The following SMOX variants were observed in gnomAD, a reference collection of about 807,000 sequenced individuals.
SMOX encodes flavin containing amine oxidase.
A neutral mutation model predicts 51.0 loss-of-function variants in SMOX; 22 were observed. The ratio of observed to expected loss-of-function variants is 0.43; its 90% CI spans 0.31 to 0.62. The LOEUF is 0.62. Among genes scored for constraint, SMOX ranks in the 20% least tolerant of loss-of-function variants. The pLI is 0.10. For synonymous variants in SMOX, 282 were observed against 307.8 expected, an observed-to-expected ratio of 0.92 and a Z score of 0.88; for missense variants, 566 against 777.7, an observed-to-expected ratio of 0.73 and a Z score of 3.24.
chr20:4,179,989 G>A (rs1482906966), intron 3 of SMOX, among the ~76,000 whole-genome samples: 2 of 152,174 alleles, frequency 1.3e-5, no homozygotes, highest in Admixed American at 6.5e-5. Flanking sequence ...GAGTCATGTC[G>A]ATGGACTAAA....
intron 1 of SMOX, among the ~76,000 whole-genome samples, chr20:4,157,525 C>T (rs1459899678): frequency 6.6e-6 from 1 of 152,088 alleles, no homozygotes; most frequent in East Asian, 1.9e-4. Flanking sequence ...GTCTGAGAGT[C>T]AGAGGATCCT....
At chr20:4,180,808 A>G (rs959594471) in intron 3 of SMOX, among the ~76,000 whole-genome samples, 1 of 152,082 alleles carries the variant, frequency 6.6e-6, no homozygotes, top group South Asian at 2.1e-4. Context: ...TCAGCTGCCC[A>G]GGGTTGTCTG....
chr20:4,186,842 A>G (rs368832937), intron 6 of SMOX: 2 of 780,128 alleles, frequency 2.6e-6, no homozygotes. Context: ...GGTTTGTCAA[A>G]TTACCACCGA....
At chr20:4,178,412 T>C (rs1979052653) in intron 3 of SMOX, among the ~76,000 whole-genome samples, 1 of 152,354 alleles carries the variant, frequency 6.6e-6, no homozygotes, top group East Asian at 1.9e-4. Context: ...ACAGTTTTAT[T>C]TTTTTCTTGC....
At chr20:4,184,499 TA>T (rs11471728) in intron 6 of SMOX, among the ~76,000 whole-genome samples, 35 of 149,436 alleles carry the variant, frequency 2.3e-4, no homozygotes, top group East Asian at 3.9e-4. Context: ...AACTGTACAC[TA>T]AAAAAAAAAA....
At chr20:4,162,809 A>G (rs1986395564) in intron 1 of SMOX, among the ~76,000 whole-genome samples, 1 of 152,242 alleles carries the variant, frequency 6.6e-6, no homozygotes, top group Non-Finnish European at 1.5e-5. Context: ...ACTCAGAGCT[A>G]GACCCCATTC....
At position 4,183,334 on chromosome 20, in the gene SMOX, C is replaced by T. The variant is rs1979492593; in HGVS notation, c.1370-160C>T. ...CTGAGTGGGTACACAGCTCGAGCCC[C>T]AGCCTCCCTCCTTCCTCTTCTATCC... On this transcript the variant is annotated intron_variant, in intron 5 of 6. Coordinates refer to ENST00000305958, the MANE Select transcript of SMOX (RefSeq NM_175839.3). This position sits in a 1 kb window ranked among gnomAD's most constrained non-coding sequence, Gnocchi z 4.3. The T allele has an allele frequency of 4.7e-6, 5 of 1,063,908 alleles. No individual in the cohort carries two copies. Among genetic ancestry groups the T allele is most frequent in the South Asian group, 4.1e-5 (3 of 73,774 alleles). 65.9% of individuals were successfully genotyped at this position (1,063,908 alleles called of 1,614,324 possible). A position where few individuals can be genotyped will look rare whatever the true frequency, so the allele number is the denominator to read the frequency against.
chr20:4,183,444 G>T lies in SMOX; in HGVS notation c.1370-50G>T. 1 of 1,613,528 alleles carries T rather than the reference G, an allele frequency of 6.2e-7. No homozygotes were observed. Among genetic ancestry groups the T allele is most frequent in the South Asian group, 1.1e-5 (1 of 91,056 alleles). ...GTCCCTTTGGGGTCATCTTCCATAT[G>T]CAGCCATTTCTTATCCTCCCTCCTC... On this transcript the variant is annotated intron_variant, in intron 5 of 6. Transcript: ENST00000305958. This position sits in a 1 kb window ranked among gnomAD's most constrained non-coding sequence, Gnocchi z 4.3.
intron 1 of SMOX, among the ~76,000 whole-genome samples, chr20:4,163,967 T>C (rs541928690): frequency 1.3e-5 from 2 of 152,302 alleles, no homozygotes; most frequent in African/African-American, 4.8e-5. Context: ...AAGGCACGAA[T>C]CCCAGGAGGT....
At position 4,166,320 on chromosome 20, in the gene SMOX, G is replaced by A. The variant is rs1486978725; in HGVS notation, c.-26-8710G>A. Among the ~76,000 whole-genome samples, 2 of 152,154 alleles carry A rather than the reference G, an allele frequency of 1.3e-5. No homozygotes were observed. Among genetic ancestry groups the A allele is most frequent in the Non-Finnish European group, 2.9e-5 (2 of 68,032 alleles). ...TCTGATACTGTCATCAAGGCCCTCA[G>A]TGAGCTTTCGGAAAGACCCTGCCCT... On this transcript the variant is annotated intron_variant, in intron 1 of 6. Coordinates refer to ENST00000305958, the MANE Select transcript of SMOX (RefSeq NM_175839.3). The surrounding 1 kb of genome is among the most constrained non-coding windows in gnomAD (Gnocchi z 4.2).
At chr20:4,162,986 C>T (rs1019528795) in intron 1 of SMOX, among the ~76,000 whole-genome samples, 1 of 152,182 alleles carries the variant, frequency 6.6e-6, no homozygotes, top group Non-Finnish European at 1.5e-5. Context: ...CTTTGTATGC[C>T]TGGAGAGCAG....
At chr20:4,158,965 C>T (rs1308520900) in intron 1 of SMOX, among the ~76,000 whole-genome samples, 1 of 151,832 alleles carries the variant, frequency 6.6e-6, no homozygotes, top group Admixed American at 6.6e-5. Flanking sequence ...TAAATGATGC[C>T]TTTAAATGTT....
In SMOX at chr20:4,177,321, C is replaced by T. The variant is rs909548321; in HGVS notation, c.209-30C>T. Reference sequence around the variant, plus strand: ...GGCCCTCTCTGGAGAAGTCCCTAAGCCTCTAAGGGCCTGCTGTTGTCACCC... The same window carrying T: ...GGCCCTCTCTGGAGAAGTCCCTAAGTCTCTAAGGGCCTGCTGTTGTCACCC... On this transcript the variant is annotated intron_variant, in intron 2 of 6. Coordinates refer to ENST00000305958, the MANE Select transcript of SMOX (RefSeq NM_175839.3). This position sits in a 1 kb window ranked among gnomAD's most constrained non-coding sequence, Gnocchi z 4.3. 21 of 1,539,948 alleles carry T rather than the reference C, an allele frequency of 1.4e-5. No homozygotes were observed. Among genetic ancestry groups the T allele is most frequent in the Non-Finnish European group, 1.8e-5 (21 of 1,136,670 alleles).
At position 4,172,941 on chromosome 20, in the gene SMOX, A is replaced by G. The variant is rs1978533951; in HGVS notation, c.-26-2089A>G. 6.6e-5 allele frequency among the ~76,000 whole-genome samples: 10 copies of G among 152,308 alleles called. No individual in the cohort carries two copies. The South Asian group carries it at 2.1e-3, about 32-fold the overall frequency. ...CGGAAAAAGCCTCCTTTGTTCACCCATGTCACTTAAGGGATGTTAAGGACG... is the reference window on the plus strand; with the variant it reads ...CGGAAAAAGCCTCCTTTGTTCACCCGTGTCACTTAAGGGATGTTAAGGACG... On this transcript the variant is annotated intron_variant, in intron 1 of 6. Coordinates refer to ENST00000305958, the MANE Select transcript of SMOX (RefSeq NM_175839.3). This position sits in a 1 kb window ranked among gnomAD's most constrained non-coding sequence, Gnocchi z 7.7.
At position 4,183,367 on chromosome 20, in the gene SMOX, C is replaced by A; in HGVS notation, c.1370-127C>A. The stretch of plus-strand genomic sequence containing the variant: ...CTCCTTCCTCTTCTATCCTCCGTGC[C>A]TACCCCTGGCAGTCTGGTCCTCCCG... On this transcript the variant is annotated intron_variant, in intron 5 of 6. Transcript: ENST00000305958. The surrounding 1 kb of genome is among the most constrained non-coding windows in gnomAD (Gnocchi z 4.3). 1 of 1,395,542 alleles carries A rather than the reference C, an allele frequency of 7.2e-7. No individual in the cohort carries two copies. Among genetic ancestry groups the A allele is most frequent in the Non-Finnish European group, 1.0e-6 (1 of 990,790 alleles). The allele number at this position is 1,395,542 out of a possible 1,614,324, so 86.4% of individuals were successfully genotyped here.
chr20:4,164,829 T>A (rs1350030386), intron 1 of SMOX, among the ~76,000 whole-genome samples: 1 of 152,070 alleles, frequency 6.6e-6, no homozygotes, highest in African/African-American at 2.4e-5. Flanking sequence ...AGTGGCCTGG[T>A]CTGCTGTTAC....
chr20:4,165,795 C>T (rs1600806862), intron 1 of SMOX, among the ~76,000 whole-genome samples: 1 of 152,308 alleles, frequency 6.6e-6, no homozygotes, highest in African/African-American at 2.4e-5. Flanking sequence ...GAGGCTGCTG[C>T]TGGGCAGTTC....
intron 1 of SMOX, among the ~76,000 whole-genome samples, chr20:4,152,572 G>A (rs1429790492): frequency 6.6e-6 from 1 of 152,078 alleles, no homozygotes; most frequent in Non-Finnish European, 1.5e-5. Flanking sequence ...AGGGGCAGTG[G>A]TCCAGATCTG....
In SMOX at chr20:4,181,820, G is replaced by A; in HGVS notation, c.453G>A (p.Gln151=). 6.2e-7 allele frequency: 1 copy of A among 1,614,082 alleles called. No homozygotes were observed. Among genetic ancestry groups the A allele is most frequent in the Non-Finnish European group, 8.5e-7 (1 of 1,179,998 alleles). Residue 151 remains glutamine, a synonymous_variant, in exon 4 of 7, where the codon CAG becomes CAA. Coordinates refer to ENST00000305958, the MANE Select transcript of SMOX (RefSeq NM_175839.3). The surrounding 1 kb of genome is among the most constrained non-coding windows in gnomAD (Gnocchi z 5.6). ...DLYNEVYNLT[Q]EFFRHDKPVN... ...TCTGGCAGGTCTATAACTTGACCCA[G>A]GAGTTCTTCCGGCACGATAAACCAG...
Sources: gnomAD v4.1 joint callset for allele counts (sites outside exome capture counted in the v4.1 genomes callset) on GRCh38, gnomAD v4.1.1 for gene constraint, Gnocchi (gnomAD v3.1) non-coding constraint, MANE v1.5 for transcripts, NCBI Gene and HGNC (gene_info 2026-07-23, HGNC 2026-07-21) for gene names.